The following PICK1 variants were observed in gnomAD, a reference collection of about 807,000 sequenced individuals.
PICK1 encodes the protein protein interacting with PRKCA 1.
A neutral mutation model predicts 48.9 loss-of-function variants in PICK1; 23 were observed. That is an observed-to-expected ratio of 0.47 (90% CI 0.34 to 0.67). PICK1 has a LOEUF of 0.67. PICK1 is among the 30% of genes least tolerant of loss of function. The probability of loss-of-function intolerance (pLI) is 0.01; values close to 1 mark genes in which losing one functional copy is unlikely to be tolerated. For missense variants in PICK1, 423 were observed against 557.1 expected, an observed-to-expected ratio of 0.76 and a Z score of 2.42; for synonymous variants, 217 against 228.2, an observed-to-expected ratio of 0.95 and a Z score of 0.44.
intron 3 of PICK1, among the ~76,000 whole-genome samples, chr22:38,060,974 C>A (rs2085386365): frequency 6.6e-6 from 1 of 151,936 alleles, no homozygotes; most frequent in Non-Finnish European, 1.5e-5. Flanking sequence ...GTCTCGAACT[C>A]CTGGCCTCAA....
At chr22:38,068,154 C>T (rs1382106597) in intron 5 of PICK1, 2 of 470,284 alleles carry the variant, frequency 4.3e-6, no homozygotes, top group East Asian at 1.4e-4. Context: ...GCCTCATGCC[C>T]TCTAGCACAG....
In PICK1 at chr22:38,066,833, C is replaced by T. The variant is rs987282830; in HGVS notation, c.283-871C>T. 2.6e-5 allele frequency among the ~76,000 whole-genome samples: 4 copies of T among 152,236 alleles called. No individual in the cohort carries two copies. Among genetic ancestry groups the T allele is most frequent in the African/African-American group, 9.6e-5 (4 of 41,452 alleles). On this transcript the variant is annotated intron_variant, in intron 4 of 12. Transcript: ENST00000356976. This position sits in a 1 kb window ranked among gnomAD's most constrained non-coding sequence, Gnocchi z 4.1. ...GATGAGAGTGAACACAGCGCCCTCC[C>T]GTGCTCAGGCAAGTCCTCTTGGGAG...
intron 5 of PICK1, 150 bp downstream of exon 5, chr22:38,067,920 A>C: frequency 1.4e-6 from 1 of 736,324 alleles, no homozygotes; most frequent in Non-Finnish European, 2.5e-6. Context: ...CTGACCAAGC[A>C]AATCTGAAAG....
At chr22:38,058,207 A>G (rs1318415508) in intron 2 of PICK1, 3 of 342,968 alleles carry the variant, frequency 8.7e-6, no homozygotes, top group Non-Finnish European at 5.6e-6. Context: ...CTTCCTTCCC[A>G]ACATAGGTTG....
At chr22:38,060,150 G>A (rs943835857) in intron 3 of PICK1, among the ~76,000 whole-genome samples, 1 of 152,228 alleles carries the variant, frequency 6.6e-6, no homozygotes, top group African/African-American at 2.4e-5. Context: ...AGTAGAGGTT[G>A]CAGTGAGCTG....
chr22:38,059,125 G>C lies in PICK1; in HGVS notation c.42-109G>C, dbSNP rs908882382. On this transcript the variant is annotated intron_variant, in intron 2 of 12. Coordinates refer to ENST00000356976, the MANE Select transcript of PICK1 (RefSeq NM_012407.4). ...AAAATGTTGTTTTGTCCAAGGGAGG[G>C]AGAGAAAAAGCTGGGCAGCCAGTGG... is the stretch of plus-strand genomic sequence containing the variant. 3 of 761,478 alleles carry C rather than the reference G, an allele frequency of 3.9e-6. No individual in the cohort carries two copies. The South Asian group carries it at 4.4e-5, about 11-fold the overall frequency. The allele number at this position is 761,478 out of a possible 1,614,324, so 47.2% of individuals were successfully genotyped here.
rs1388700038 is a variant in PICK1 at position 38,072,522 on chromosome 22, C to G, written c.602C>G (p.Pro201Arg). 10 of 1,613,518 alleles carry G rather than the reference C, an allele frequency of 6.2e-6. No homozygotes were observed. The highest frequency in any genetic ancestry group is 8.5e-6 in the Non-Finnish European group (10 of 1,180,038). ...GTGATCGGGGTGCGGGAGCCCCAGC[C>G]AGCTGCGAGCGAGGCTTTTGTGAAG... Reference protein sequence around the residue: ...FSVIGVREPQPAASEAFVKFA... With the variant: ...FSVIGVREPQRAASEAFVKFA... Residue 201 changes from proline (P) to arginine (R), a missense_variant, in exon 9 of 13, where the codon CCA becomes CGA. Pro to Arg is a moderately radical substitution (Grantham distance 103). Around this residue, in one of 2 missense-constraint regions of PICK1, gnomAD observed 279 missense variants for 417.8 expected, o/e 0.67. Coordinates refer to ENST00000356976, the MANE Select transcript of PICK1 (RefSeq NM_012407.4).
In PICK1 at chr22:38,073,163, C is replaced by T. The variant is rs2085744600; in HGVS notation, c.783+71C>T. On this transcript the variant is annotated intron_variant, in intron 10 of 12. Transcript: ENST00000356976. The surrounding 1 kb of genome is among the most constrained non-coding windows in gnomAD (Gnocchi z 5.7). ...GGAGATCTGCCCCACTTCAGTCAGCCATGCTGCGGCCAGCGAGGCCAGCCA... is the reference window on the plus strand; with the variant it reads ...GGAGATCTGCCCCACTTCAGTCAGCTATGCTGCGGCCAGCGAGGCCAGCCA... The T allele has an allele frequency of 4.7e-6, 5 of 1,054,786 alleles. No homozygotes were observed. In the Admixed American group the frequency reaches 6.8e-5, roughly 14 times the overall value. 65.3% of individuals were successfully genotyped at this position (1,054,786 alleles called of 1,614,324 possible). A position where few individuals can be genotyped will look rare whatever the true frequency, so the allele number is the denominator to read the frequency against.
intron 4 of PICK1, among the ~76,000 whole-genome samples, chr22:38,067,014 G>A (rs1325690705): frequency 6.6e-6 from 1 of 152,198 alleles, no homozygotes; most frequent in Non-Finnish European, 1.5e-5. Context: ...ATGAGTAGAG[G>A]GATTCCTGGG....
chr22:38,067,179 G>A (rs377376698), intron 4 of PICK1, among the ~76,000 whole-genome samples: 20 of 152,186 alleles, frequency 1.3e-4, no homozygotes, highest in Middle Eastern at 3.4e-3. Context: ...GCCCGGTGCC[G>A]GCCCTGTCCC....
Position 38,066,409 on chromosome 22 carries a change from C to CTCATG in PICK1, c.282+1279_282+1280insTCATG, listed in dbSNP as rs2085526133. Among the ~76,000 whole-genome samples the CTCATG allele has an allele frequency of 6.6e-6, 1 of 152,226 alleles. No homozygotes were observed. Among genetic ancestry groups the CTCATG allele is most frequent in the Non-Finnish European group, 1.5e-5 (1 of 68,040 alleles). ...GTCCTCTCAGGCTTGGTCATACCAG[C>CTCATG]ACCTCAGGTTGCCCATGAGGACAAG... On this transcript the variant is annotated intron_variant, in intron 4 of 12. Transcript: ENST00000356976. This position sits in a 1 kb window ranked among gnomAD's most constrained non-coding sequence, Gnocchi z 4.1.
Position 38,058,010 on chromosome 22 carries a change from G to C in PICK1, c.41+160G>C, listed in dbSNP as rs569899680. On this transcript the variant is annotated intron_variant, in intron 2 of 12. Coordinates refer to ENST00000356976, the MANE Select transcript of PICK1 (RefSeq NM_012407.4). ...CTCTCCCAGGAGCTCACTATTTGTA[G>C]GGGGCTGTGGACAGTTAAAGGGATA... is the stretch of plus-strand genomic sequence containing the variant. The C allele has an allele frequency of 5.8e-5, 41 of 712,260 alleles. No individual in the cohort carries two copies. In the East Asian group the frequency reaches 1.1e-3, roughly 19 times the overall value. 44.1% of individuals were successfully genotyped at this position (712,260 alleles called of 1,614,324 possible). A position where few individuals can be genotyped will look rare whatever the true frequency, so the allele number is the denominator to read the frequency against.
In PICK1 at chr22:38,066,233, G is replaced by A. The variant is rs2085521251; in HGVS notation, c.282+1103G>A. ...CACTCCACGTGGTCTGGGTATCACT[G>A]CCTCAGGTATGACCTGTTAGGCAGA... is the stretch of plus-strand genomic sequence containing the variant. On this transcript the variant is annotated intron_variant, in intron 4 of 12. Coordinates refer to ENST00000356976, the MANE Select transcript of PICK1 (RefSeq NM_012407.4). This position sits in a 1 kb window ranked among gnomAD's most constrained non-coding sequence, Gnocchi z 4.1. Among the ~76,000 whole-genome samples, 1 of 152,198 alleles carries A rather than the reference G, an allele frequency of 6.6e-6. No individual in the cohort carries two copies. Among genetic ancestry groups the A allele is most frequent in the Admixed American group, 6.5e-5 (1 of 15,282 alleles).
chr22:38,068,002 G>A (rs894724604), intron 5 of PICK1: 44 of 644,166 alleles, frequency 6.8e-5, no homozygotes, highest in African/African-American at 1.3e-4. Context: ...ACTCCCCCGC[G>A]TTTCACCCCT....
chr22:38,070,739 G>C (rs2085658599), intron 6 of PICK1, 99 bp from the exon 7 acceptor site: 2 of 989,188 alleles, frequency 2.0e-6, no homozygotes, highest in Non-Finnish European at 3.2e-6. Context: ...TCCCTTCCTG[G>C]TTCTCCTCTG....
chr22:38,061,335 C>T (rs781135098), intron 3 of PICK1, among the ~76,000 whole-genome samples: 11 of 133,842 alleles, frequency 8.2e-5, no homozygotes, highest in Non-Finnish European at 1.6e-4. Context: ...AGTGAGACTC[C>T]GTCTCAAAAA....
chr22:38,072,084 G>C, intron 8 of PICK1: 1 of 491,724 alleles, frequency 2.0e-6, no homozygotes, highest in Non-Finnish European at 3.7e-6. Flanking sequence ...AGACAAAGGA[G>C]AGGGCCACAC....
At chr22:38,071,831 C>T (rs2085703807) in intron 8 of PICK1, 87 bp downstream of exon 8, 7 of 1,165,872 alleles carry the variant, frequency 6.0e-6, no homozygotes, top group South Asian at 2.4e-5. Context: ...AGACCCACAG[C>T]GCCTGACCTC....
In PICK1 at chr22:38,066,149, G is replaced by T. The variant is rs1221497628; in HGVS notation, c.282+1019G>T. On this transcript the variant is annotated intron_variant, in intron 4 of 12. Transcript: ENST00000356976. The surrounding 1 kb of genome is among the most constrained non-coding windows in gnomAD (Gnocchi z 4.1). ...GGACAAATCAGGGCCTGGGGCTGGG[G>T]CTCAGAGCTCTGTTGTAAAAAAAGG... Among the ~76,000 whole-genome samples, 1 of 152,122 alleles carries T rather than the reference G, an allele frequency of 6.6e-6. No individual in the cohort carries two copies. Among genetic ancestry groups the T allele is most frequent in the Admixed American group, 6.5e-5 (1 of 15,282 alleles).
Sources: allele counts gnomAD v4.1 joint callset (sites outside exome capture counted in the v4.1 genomes callset), GRCh38; gene constraint gnomAD v4.1.1; regional missense constraint gnomAD v4.1.1; non-coding constraint Gnocchi (gnomAD v3.1); transcripts MANE v1.5; gene names NCBI Gene and HGNC (gene_info 2026-07-23, HGNC 2026-07-21).